The following KIAA1671 variants were observed in gnomAD, a reference collection of about 807,000 sequenced individuals.
KIAA1671 encodes the protein KIAA1671, also known as uncharacterized protein KIAA1671.
Under a neutral mutation model 131.2 loss-of-function variants are expected in KIAA1671, and 52 were observed. The ratio of observed to expected loss-of-function variants is 0.40; its 90% CI spans 0.32 to 0.50. The LOEUF is 0.50. Ranked by LOEUF, KIAA1671 falls within the 20% of genes least tolerant of loss-of-function variation. The pLI is 0.73. For missense variants in KIAA1671, 2,360 were observed against 2,364.2 expected, an observed-to-expected ratio of 1.00 and a Z score of 0.04; for synonymous variants, 1,003 against 961.6, an observed-to-expected ratio of 1.04 and a Z score of -0.80.
chr22:25,091,226 T>A (rs903179400), intron 6 of KIAA1671, among the ~76,000 whole-genome samples: 1 of 152,082 alleles, frequency 6.6e-6, no homozygotes, highest in Non-Finnish European at 1.5e-5. Context: ...TCTGGCTAAT[T>A]TTTGTATTTT....
intron 6 of KIAA1671, among the ~76,000 whole-genome samples, chr22:25,086,720 G>A (rs932942255): frequency 2.0e-5 from 3 of 152,168 alleles, no homozygotes; most frequent in Non-Finnish European, 1.5e-5. Context: ...CCCAAAGGCC[G>A]GCCAGAGAGC....
chr22:25,038,047 C>T (rs1184904792), intron 4 of KIAA1671, among the ~76,000 whole-genome samples: 2 of 152,200 alleles, frequency 1.3e-5, no homozygotes, highest in Non-Finnish European at 2.9e-5. Context: ...GTTGACCAGG[C>T]TGGAGTCTTG....
At chr22:25,081,343 C>T (rs1929395608) in intron 6 of KIAA1671, among the ~76,000 whole-genome samples, 1 of 152,216 alleles carries the variant, frequency 6.6e-6, no homozygotes, top group African/African-American at 2.4e-5. Flanking sequence ...CCTCGCTGCT[C>T]TGTGACATTG....
chr22:25,087,626 CT>C (rs761017454), intron 6 of KIAA1671, among the ~76,000 whole-genome samples: 2 of 152,216 alleles, frequency 1.3e-5, no homozygotes, highest in Non-Finnish European at 2.9e-5. Context: ...ACAAAAACAA[CT>C]GCGTCACCTT....
chr22:25,140,650 G>A (rs780468005), intron 6 of KIAA1671, among the ~76,000 whole-genome samples: 50 of 152,208 alleles, frequency 3.3e-4, no homozygotes, highest in Non-Finnish European at 5.7e-4. Flanking sequence ...GGGGCACCTC[G>A]GGGTCTGTCA....
intron 6 of KIAA1671, among the ~76,000 whole-genome samples, chr22:25,162,123 T>C (rs1020518960): frequency 2.6e-5 from 4 of 152,200 alleles, no homozygotes; most frequent in Non-Finnish European, 4.4e-5. Flanking sequence ...GTTCCTACTT[T>C]ATAGGCTTCT....
intron 6 of KIAA1671, among the ~76,000 whole-genome samples, chr22:25,162,661 T>G (rs1373922854): frequency 1.3e-5 from 2 of 152,202 alleles, no homozygotes; most frequent in Admixed American, 6.5e-5. Flanking sequence ...GGTACTGTGA[T>G]GAATGAAAGA....
intron 1 of KIAA1671, among the ~76,000 whole-genome samples, chr22:24,970,739 A>AC (rs1413779633): frequency 3.3e-5 from 5 of 151,288 alleles, no homozygotes; most frequent in African/African-American, 7.3e-5. Flanking sequence ...CTAAAAAAAA[A>AC]AACAAAACAA....
At chr22:25,141,608 A>G (rs1932808519) in intron 6 of KIAA1671, among the ~76,000 whole-genome samples, 2 of 152,146 alleles carry the variant, frequency 1.3e-5, no homozygotes, top group Non-Finnish European at 2.9e-5. Context: ...ATAGTGAAAA[A>G]TGTATAACTT....
intron 1 of KIAA1671, among the ~76,000 whole-genome samples, chr22:24,987,466 TG>T (rs1218167727): frequency 6.6e-6 from 1 of 152,020 alleles, no homozygotes; most frequent in African/African-American, 2.4e-5. Flanking sequence ...CCACTGCGCC[TG>T]GCCTATTATT....
chr22:25,113,603 G>C (rs1323738979), intron 6 of KIAA1671, among the ~76,000 whole-genome samples: 1 of 152,198 alleles, frequency 6.6e-6, no homozygotes, highest in African/African-American at 2.4e-5. Flanking sequence ...CCCCTCTGCT[G>C]ACCCAGAGGT....
At chr22:25,154,292 T>C (rs1286776291) in intron 6 of KIAA1671, among the ~76,000 whole-genome samples, 3 of 152,204 alleles carry the variant, frequency 2.0e-5, no homozygotes, top group Non-Finnish European at 4.4e-5. Context: ...GGCTCACAGT[T>C]GTGGCTTCCA....
At chr22:25,179,042 C>G (rs1181094937) in intron 9 of KIAA1671, among the ~76,000 whole-genome samples, 1 of 152,226 alleles carries the variant, frequency 6.6e-6, no homozygotes, top group African/African-American at 2.4e-5. Context: ...ACCTCTCTCA[C>G]AGGGCCCCCG....
chr22:25,015,024 C>T (rs999237537), intron 1 of KIAA1671: 8 of 152,100 alleles, frequency 5.3e-5, no homozygotes, highest in African/African-American at 1.9e-4. Context: ...GATAAAGGCT[C>T]TTGAAGGAAG....
Position 25,039,998 on chromosome 22 carries a change from G to A in KIAA1671, c.2868G>A (p.Val956=). The A allele has an allele frequency of 3.2e-6, 5 of 1,551,340 alleles. No homozygotes were observed. The highest frequency in any genetic ancestry group is 4.4e-6 in the Non-Finnish European group (5 of 1,146,760). Residue 956 remains valine, a synonymous_variant, in exon 5 of 13, where the codon GTG becomes GTA. Coordinates refer to ENST00000358431, the MANE Select transcript of KIAA1671 (RefSeq NM_001145206.2). ...GGCGGCGGACTTTACCCCCCAACGT[G>A]AAATTTGATACATTCAGTTCTCTTG... ...RWRRRTLPPN[V]KFDTFSSLVP...
chr22:25,119,483 C>G (rs1037309241), intron 6 of KIAA1671, among the ~76,000 whole-genome samples: 2 of 152,194 alleles, frequency 1.3e-5, no homozygotes, highest in Non-Finnish European at 2.9e-5. Flanking sequence ...CTGTTTTGTA[C>G]CAGATACTGT....
chr22:24,976,700 A>G (rs9624685), intron 1 of KIAA1671, among the ~76,000 whole-genome samples: 71 of 152,304 alleles, frequency 4.7e-4, no homozygotes, highest in African/African-American at 1.6e-3. Flanking sequence ...TGCTCCCCAC[A>G]TGCTGGGGCC....
chr22:25,094,828 A>T (rs1930320262), intron 6 of KIAA1671, among the ~76,000 whole-genome samples: 1 of 152,054 alleles, frequency 6.6e-6, no homozygotes, highest in Non-Finnish European at 1.5e-5. Flanking sequence ...TCCTGGGTGG[A>T]TCTGGGAGCA....
chr22:25,190,826 A>C, intron 12 of KIAA1671, 42 bp downstream of exon 12: 1 of 1,387,112 alleles, frequency 7.2e-7, no homozygotes, highest in East Asian at 2.5e-5. Flanking sequence ...AGAGCCCTGC[A>C]GTCACAGGAA....
Sources: allele counts gnomAD v4.1 joint callset (sites outside exome capture counted in the v4.1 genomes callset), GRCh38; gene constraint gnomAD v4.1.1; transcripts MANE v1.5; gene names NCBI Gene and HGNC (gene_info 2026-07-23, HGNC 2026-07-21).